The following CFAP99 variants were observed in gnomAD, a reference collection of about 807,000 sequenced individuals.
CFAP99 encodes the protein cilia and flagella associated protein 99, also known as cilia- and flagella-associated protein 99.
In CFAP99, 84 loss-of-function variants were observed where a neutral mutation model predicts 82.7. That is an observed-to-expected ratio of 1.02 (90% confidence interval 0.85 to 1.22). CFAP99 has a LOEUF of 1.22. CFAP99 is among the 50% of genes most tolerant of loss of function. CFAP99 has a pLI of 0.00. For synonymous variants in CFAP99, 456 were observed against 429.5 expected (o/e 1.06, Z -0.76); for missense variants, 1,059 against 983.5 (o/e 1.08, Z -1.03).
chr4:2,453,108 G>A (rs116131580), intron 11 of CFAP99, among the ~76,000 whole-genome samples: 1,523 of 152,222 alleles, frequency 0.01, 12 homozygotes, highest in Non-Finnish European at 0.017. Flanking sequence ...ATATGAAAAG[G>A]TAGACTCAGA....
Position 2,449,850 on chromosome 4 carries a change from G to A in CFAP99, c.724-84G>A, listed in dbSNP as rs1427236517. The A allele has an allele frequency of 2.6e-6, 4 of 1,528,844 alleles. No individual in the cohort carries two copies. The Admixed American group carries it at 7.8e-5, about 30-fold the overall frequency. The allele number at this position is 1,528,844 out of a possible 1,614,324, so 94.7% of individuals were successfully genotyped here. A position where few individuals can be genotyped will look rare whatever the true frequency, so the allele number is the denominator to read the frequency against. On this transcript the variant is annotated intron_variant, in intron 7 of 14. Coordinates refer to ENST00000635017, the Ensembl canonical transcript of CFAP99. ...AGGGAAGAGGAGGCAAGAGGGGGAG[G>A]CTGGGTGGAAGTTCGTCCTCCCATG...
In CFAP99 at chr4:2,462,018, G is replaced by C. The variant is rs1227730131; in HGVS notation, c.1662-425G>C. ...TTTAAAAAAAAAAAAGCTGCTAGGCGCCGTGGCTCACGCCTGTAATCCCAG... is the reference window on the plus strand; with the variant it reads ...TTTAAAAAAAAAAAAGCTGCTAGGCCCCGTGGCTCACGCCTGTAATCCCAG... On this transcript the variant is annotated intron_variant, in intron 14 of 14. Transcript: ENST00000635017. The surrounding 1 kb of genome is among the most constrained non-coding windows in gnomAD (Gnocchi z 4.1). Among the ~76,000 whole-genome samples the C allele has an allele frequency of 6.6e-6, 1 of 151,714 alleles. No individual in the cohort carries two copies. Among genetic ancestry groups the C allele is most frequent in the Non-Finnish European group, 1.5e-5 (1 of 67,936 alleles).
chr4:2,447,450 C>G (rs1734190043), intron 6 of CFAP99, among the ~76,000 whole-genome samples: 2 of 146,274 alleles, frequency 1.4e-5, no homozygotes, highest in Admixed American at 6.9e-5. Flanking sequence ...GATAGATGAT[C>G]AAATGGATGA....
intron 11 of CFAP99, 131 bp downstream of exon 11, chr4:2,452,477 G>A (rs1734328964): frequency 1.3e-5 from 13 of 966,266 alleles, no homozygotes; most frequent in Non-Finnish European, 2.0e-5. Context: ...TGATGTGTTG[G>A]TCCTGGCTCC....
In CFAP99 at chr4:2,443,185, G is replaced by A. The variant is rs766201654; in HGVS notation, c.407G>A (p.Trp136Ter). 4.5e-5 allele frequency: 69 copies of A among 1,535,700 alleles called. No homozygotes were observed. Among genetic ancestry groups the A allele is most frequent in the Non-Finnish European group, 5.4e-5 (62 of 1,146,744 alleles). The change falls in exon 5 of 15, where the codon TGG (tryptophan) becomes TAG (stop). Residue 136 changes from tryptophan (W) to a stop codon, truncating the protein, a stop_gained. Transcript: ENST00000635017. LOFTEE classifies it high-confidence loss of function. ...CTGTGCTCATGGATCAAGGATGAGT[G>A]GAGCCTCATCTACGAGCCAGCCCAC...
At chr4:2,451,045 C>T (rs1189805509) in intron 9 of CFAP99, 27 bp downstream of exon 9, 1 of 1,526,802 alleles carries the variant, frequency 6.5e-7, no homozygotes, top group Non-Finnish European at 8.8e-7. Context: ...GATGGTCAGG[C>T]TGCTCTCCCT....
intron 11 of CFAP99, among the ~76,000 whole-genome samples, chr4:2,458,065 G>A (rs1001189174): frequency 7.9e-5 from 12 of 152,056 alleles, no homozygotes; most frequent in Admixed American, 4.6e-4. Flanking sequence ...AGGAGGCACC[G>A]CCGCCCTCTT....
Position 2,446,242 on chromosome 4 carries a change from T to C in CFAP99, c.642+934T>C, listed in dbSNP as rs1249548363. ...ACTTCTCACTGATCCTGGCTCCTTT[T>C]CTTCACCGAATTGGAGTTTAGAGTT... On this transcript the variant is annotated intron_variant, in intron 6 of 14. Transcript: ENST00000635017. The surrounding 1 kb of genome is among the most constrained non-coding windows in gnomAD (Gnocchi z 5.0). Among the ~76,000 whole-genome samples the C allele has an allele frequency of 1.4e-4, 22 of 152,214 alleles. No individual in the cohort carries two copies. Among genetic ancestry groups the C allele is most frequent in the Admixed American group, 1.4e-3 (22 of 15,274 alleles).
intron 8 of CFAP99, 50 bp downstream of exon 8, chr4:2,450,055 G>A (rs1455220459): frequency 1.6e-5 from 24 of 1,520,918 alleles, no homozygotes; most frequent in Non-Finnish European, 2.1e-5. Context: ...ATCTTCTCAA[G>A]CCATCAGAAA....
At chr4:2,449,821 G>A (rs1434235996) in intron 7 of CFAP99, 71 bp downstream of exon 7, 10 of 1,530,090 alleles carry the variant, frequency 6.5e-6, no homozygotes, top group African/African-American at 2.7e-5. Flanking sequence ...GGTGGGGTGG[G>A]GAGAGGGAAG....
At chr4:2,450,610 C>G (rs1039512095) in intron 8 of CFAP99, among the ~76,000 whole-genome samples, 9 of 152,160 alleles carry the variant, frequency 5.9e-5, no homozygotes, top group Non-Finnish European at 1.2e-4. Flanking sequence ...CGGGGAGAGG[C>G]CATGGGGGCC....
At chr4:2,434,555 G>A (rs1733871511) in intron 2 of CFAP99, among the ~76,000 whole-genome samples, 1 of 152,250 alleles carries the variant, frequency 6.6e-6, no homozygotes, top group South Asian at 2.1e-4. Flanking sequence ...TAAAGCCGTT[G>A]CAAGGGCTGG....
chr4:2,452,217 C>G (rs1286026654), exon 11 of CFAP99: 6 of 1,536,088 alleles, frequency 3.9e-6, no homozygotes, highest in Non-Finnish European at 5.2e-6. Context: ...AGGCGAAGGA[C>G]CGGGAGGAGC....
intron 10 of CFAP99, among the ~76,000 whole-genome samples, 190 bp from the exon 11 acceptor site, chr4:2,451,952 A>G (rs1259413904): frequency 6.6e-6 from 1 of 151,970 alleles, no homozygotes; most frequent in Non-Finnish European, 1.5e-5. Flanking sequence ...GGGTGGACGC[A>G]CAGAAAGGGG....
chr4:2,426,567 C>T (rs1733688915), exon 2 of CFAP99: 2 of 1,535,578 alleles, frequency 1.3e-6, no homozygotes, highest in Non-Finnish European at 1.7e-6. Flanking sequence ...TTCCTGGAGG[C>T]TGCGGCCACC....
At chr4:2,455,581 CAG>C (rs1340207077) in intron 11 of CFAP99, among the ~76,000 whole-genome samples, 2 of 152,196 alleles carry the variant, frequency 1.3e-5, no homozygotes, top group Non-Finnish European at 2.9e-5. Context: ...CCCACCAACT[CAG>C]GAGGCTGAGG....
chr4:2,424,266 C>A (rs1482617833), intron 1 of CFAP99, among the ~76,000 whole-genome samples: 1 of 152,148 alleles, frequency 6.6e-6, no homozygotes, highest in Admixed American at 6.5e-5. Flanking sequence ...TAAAAAAATA[C>A]AAAAATTAGC....
chr4:2,462,435 C>G lies in CFAP99; in HGVS notation c.1662-8C>G, dbSNP rs1002997286. 81 of 1,428,102 alleles carry G rather than the reference C, an allele frequency of 5.7e-5. No individual in the cohort carries two copies. The African/African-American group carries it at 1.1e-3, about 20-fold the overall frequency. The allele number at this position is 1,428,102 out of a possible 1,614,324, so 88.5% of individuals were successfully genotyped here. On this transcript the variant is annotated splice_polypyrimidine_tract_variant and splice_region_variant and intron_variant, in intron 14 of 14. Transcript: ENST00000635017. This position sits in a 1 kb window ranked among gnomAD's most constrained non-coding sequence, Gnocchi z 4.1. ...GCCTGCTCCTGAGCCCGCCGCGTCGCCCGCCAGGTGGGAGGAAAAGAAGGC... is the reference window on the plus strand; with the variant it reads ...GCCTGCTCCTGAGCCCGCCGCGTCGGCCGCCAGGTGGGAGGAAAAGAAGGC...
rs1441015725 is a variant in CFAP99 at position 2,462,604 on chromosome 4, G to C, written c.1823G>C (p.Arg608Pro). ...CCGCGGACCGCGCGCCCCAAGCCCCGGGTGAGTCCGGATTGGTGGGAGGAG... is the reference window on the plus strand; with the variant it reads ...CCGCGGACCGCGCGCCCCAAGCCCCCGGTGAGTCCGGATTGGTGGGAGGAG... Residue 608 changes from arginine (R) to proline (P), a missense_variant, in exon 15 of 15, where the codon CGG (arginine) becomes CCG (proline). Transcript: ENST00000635017. The surrounding 1 kb of genome is among the most constrained non-coding windows in gnomAD (Gnocchi z 4.1). 1 of 1,406,294 alleles carries C rather than the reference G, an allele frequency of 7.1e-7. No individual in the cohort carries two copies. The allele number at this position is 1,406,294 out of a possible 1,614,324, so 87.1% of individuals were successfully genotyped here. A position where few individuals can be genotyped will look rare whatever the true frequency, so the allele number is the denominator to read the frequency against.
Sources: allele counts gnomAD v4.1 joint callset (sites outside exome capture counted in the v4.1 genomes callset), GRCh38; gene constraint gnomAD v4.1.1; non-coding constraint Gnocchi (gnomAD v3.1); transcripts MANE v1.5; gene names NCBI Gene and HGNC (gene_info 2026-07-23, HGNC 2026-07-21).